Variants in SIPA1L1 observed in about 807,000 individuals in gnomAD.
SIPA1L1 encodes the protein signal-induced proliferation-associated 1-like protein 1.
SIPA1L1 carries 26 observed loss-of-function variants against 162.7 expected under a neutral mutation model. The ratio of observed to expected loss-of-function variants is 0.16; its 90% confidence interval spans 0.12 to 0.22. The LOEUF is 0.22. Ranked by LOEUF, SIPA1L1 falls within the 10% of genes least tolerant of loss-of-function variation. The pLI, the probability that SIPA1L1 is intolerant of heterozygous loss-of-function variation, is 1.00. For missense variants in SIPA1L1, 1,874 were observed against 2,241.0 expected (o/e 0.84, Z 3.31); for synonymous variants, 829 against 837.4 (o/e 0.99, Z 0.17).
At chr14:71,678,901 A>G (rs1596896618) in intron 12 of SIPA1L1, among the ~76,000 whole-genome samples, 2 of 152,278 alleles carry the variant, frequency 1.3e-5, no homozygotes, top group African/African-American at 4.8e-5. Flanking sequence ...GAGTAAAAAA[A>G]AATGAACAAA....
At chr14:71,466,970 T>G (rs961022621) in intron 2 of SIPA1L1, among the ~76,000 whole-genome samples, 1 of 152,252 alleles carries the variant, frequency 6.6e-6, no homozygotes, top group Admixed American at 6.5e-5. Context: ...TTAATAGATG[T>G]AATATTTAAA....
At chr14:71,657,060 A>G (rs926461148) in intron 8 of SIPA1L1, among the ~76,000 whole-genome samples, 2 of 152,322 alleles carry the variant, frequency 1.3e-5, no homozygotes, top group African/African-American at 4.8e-5. Context: ...CTCAAAAAAT[A>G]GGGTCGAGGC....
chr14:71,459,053 C>T (rs971063366), intron 2 of SIPA1L1, among the ~76,000 whole-genome samples: 3 of 147,748 alleles, frequency 2.0e-5, no homozygotes, highest in Admixed American at 1.4e-4. Flanking sequence ...GCCTGGGCAA[C>T]AGAGAGAGGC....
chr14:71,418,809 G>C (rs1024066603), intron 2 of SIPA1L1, among the ~76,000 whole-genome samples: 2 of 152,174 alleles, frequency 1.3e-5, no homozygotes, highest in Non-Finnish European at 2.9e-5. Context: ...AGGCCATATG[G>C]TGGGTAAAGT....
At chr14:71,374,184 T>G (rs1330190675) in intron 2 of SIPA1L1, among the ~76,000 whole-genome samples, 1 of 152,204 alleles carries the variant, frequency 6.6e-6, no homozygotes, top group East Asian at 1.9e-4. Flanking sequence ...TGACAAAATT[T>G]TTTTACTTAA....
intron 4 of SIPA1L1, among the ~76,000 whole-genome samples, chr14:71,543,094 C>A (rs563555591): frequency 1.3e-5 from 2 of 151,556 alleles, no homozygotes; most frequent in East Asian, 3.9e-4. Flanking sequence ...CTGGCTCTTT[C>A]CTGTCCTCTC....
At chr14:71,737,989 C>T (rs908653253) in intron 22 of SIPA1L1, among the ~76,000 whole-genome samples, 3 of 152,098 alleles carry the variant, frequency 2.0e-5, no homozygotes, top group African/African-American at 7.2e-5. Flanking sequence ...ATTCTTTAGT[C>T]GTGAGGATGC....
chr14:71,453,550 G>C (rs558332242), intron 2 of SIPA1L1, among the ~76,000 whole-genome samples: 2 of 152,166 alleles, frequency 1.3e-5, no homozygotes, highest in African/African-American at 4.8e-5. Flanking sequence ...AGTAGAAAGT[G>C]CATTTGAGAC....
At position 71,601,186 on chromosome 14, in the gene SIPA1L1, A is replaced by G. The variant is rs116597691; in HGVS notation, c.1498+11816A>G. On this transcript the variant is annotated intron_variant, in intron 5 of 23. Transcript: ENST00000381232. ...TGTCTTGTTCCAATTCTTAGAGGAA[A>G]GGATTTCAGCTTTTCCCCATTCATT... is the stretch of plus-strand genomic sequence containing the variant. Among the ~76,000 whole-genome samples, 532 of 152,294 alleles carry G rather than the reference A, an allele frequency of 3.5e-3. 4 individuals are homozygous for G. Among genetic ancestry groups the G allele is most frequent in the African/African-American group, 0.012 (508 of 41,574 alleles).
At chr14:71,535,947 A>G (rs891752999) in intron 4 of SIPA1L1, among the ~76,000 whole-genome samples, 5 of 152,122 alleles carry the variant, frequency 3.3e-5, no homozygotes, top group East Asian at 1.9e-4. Flanking sequence ...AACATAGTGT[A>G]TCTGTCCCCT....
chr14:71,725,974 G>A (rs1017691719), intron 19 of SIPA1L1, among the ~76,000 whole-genome samples: 2 of 152,284 alleles, frequency 1.3e-5, no homozygotes, highest in East Asian at 1.9e-4. Flanking sequence ...GAGGCATGGC[G>A]GGTGGAGCAG....
intron 7 of SIPA1L1, among the ~76,000 whole-genome samples, chr14:71,626,749 T>C (rs1337510066): frequency 1.3e-5 from 2 of 152,210 alleles, no homozygotes; most frequent in South Asian, 2.1e-4. Context: ...TCTCTTTTTA[T>C]ATTTGGTTTA....
chr14:71,441,347 G>A (rs2044839114), intron 2 of SIPA1L1, among the ~76,000 whole-genome samples: 1 of 152,134 alleles, frequency 6.6e-6, no homozygotes, highest in Admixed American at 6.5e-5. Flanking sequence ...CCTTCCCTAG[G>A]CTGGCTTCCA....
At chr14:71,675,451 G>A (rs2149422821) in intron 12 of SIPA1L1, among the ~76,000 whole-genome samples, 1 of 152,312 alleles carries the variant, frequency 6.6e-6, no homozygotes, top group Non-Finnish European at 1.5e-5. Context: ...GTCAGACCTG[G>A]GCAGGGCAGG....
At position 71,587,821 on chromosome 14, in the gene SIPA1L1, A is replaced by G; in HGVS notation, c.-52A>G. The G allele has an allele frequency of 6.6e-7, 1 of 1,519,934 alleles. No individual in the cohort carries two copies. The highest frequency in any genetic ancestry group is 8.9e-7 in the Non-Finnish European group (1 of 1,121,718). 94.2% of individuals were successfully genotyped at this position (1,519,934 alleles called of 1,614,324 possible). A position where few individuals can be genotyped will look rare whatever the true frequency, so the allele number is the denominator to read the frequency against. ...CAAAAGGGAAGTGCACATTTAAAACACAGATATGATGGTCCTTGCTGCAGG... is the reference window on the plus strand; with the variant it reads ...CAAAAGGGAAGTGCACATTTAAAACGCAGATATGATGGTCCTTGCTGCAGG... On this transcript the variant is annotated 5_prime_UTR_variant, in exon 5 of 24. Coordinates refer to ENST00000381232, the MANE Select transcript of SIPA1L1 (RefSeq NM_001386936.1).
chr14:71,571,501 A>G (rs908859999), intron 4 of SIPA1L1, among the ~76,000 whole-genome samples: 1 of 152,056 alleles, frequency 6.6e-6, no homozygotes. Context: ...CATATAACAT[A>G]AAAAAAACTG....
chr14:71,407,384 ATTTTC>A (rs1173172381), intron 2 of SIPA1L1, among the ~76,000 whole-genome samples: 4 of 151,680 alleles, frequency 2.6e-5, no homozygotes, highest in South Asian at 2.1e-4. Context: ...TGAATTTTGA[ATTTTC>A]TTTTCTTTTC....
chr14:71,330,732 G>A (rs1261287563), intron 2 of SIPA1L1: 1 of 853,674 alleles, frequency 1.2e-6, no homozygotes, highest in Admixed American at 1.7e-5. Flanking sequence ...CCACCGGGTA[G>A]TCATCATAAG....
chr14:71,733,685 C>T lies in SIPA1L1; in HGVS notation c.4881C>T (p.Asp1627=). The change falls in exon 21 of 24, where the codon GAC becomes GAT. Residue 1627 remains aspartate (D), a synonymous_variant. Transcript: ENST00000381232. ...CCGCAGGAGAGTTCTCAGCCTCGGA[C>T]AGCTCCCTCACTGACATCCAGGAGA... ...KSLHGEFSAS[D]SSLTDIQETR... 2 of 1,613,976 alleles carry T rather than the reference C, an allele frequency of 1.2e-6. No homozygotes were observed. The highest frequency in any genetic ancestry group is 1.7e-6 in the Non-Finnish European group (2 of 1,180,004).
Sources: allele counts gnomAD v4.1 joint callset (sites outside exome capture counted in the v4.1 genomes callset), GRCh38; gene constraint gnomAD v4.1.1; transcripts MANE v1.5; gene names NCBI Gene and HGNC (gene_info 2026-07-23, HGNC 2026-07-21).